The following RPS6KA5 variants were observed in gnomAD, a reference collection of about 807,000 sequenced individuals.
The protein encoded by RPS6KA5 is ribosomal protein S6 kinase A5.
A neutral mutation model predicts 85.5 loss-of-function variants in RPS6KA5; 27 were observed. That is an observed-to-expected ratio of 0.32 (90% CI 0.23 to 0.44). RPS6KA5 has a LOEUF of 0.44. RPS6KA5 is among the 20% of genes least tolerant of loss of function. The pLI, the probability that RPS6KA5 is intolerant of heterozygous loss-of-function variation, is 1.00. For synonymous variants in RPS6KA5, 334 were observed against 348.2 expected (o/e 0.96, Z 0.46); for missense variants, 811 against 980.9 (o/e 0.83, Z 2.31).
chr14:91,026,430 A>G lies in RPS6KA5; in HGVS notation c.104-25271T>C, dbSNP rs117649135. Among the ~76,000 whole-genome samples, 9 of 152,246 alleles carry G rather than the reference A, an allele frequency of 5.9e-5. No homozygotes were observed. The East Asian group carries it at 1.7e-3, about 29-fold the overall frequency. ...TTTCCCAGTAGAGACGAGGTCTCAC[A>G]ACATTGCTTAGGCTAGAATCCAACT... On this transcript the variant is annotated intron_variant, in intron 1 of 16. Coordinates refer to ENST00000614987, the MANE Select transcript of RPS6KA5 (RefSeq NM_004755.4).
intron 1 of RPS6KA5, 148 bp downstream of exon 1, chr14:91,060,184 C>T: frequency 3.1e-6 from 3 of 967,808 alleles, no homozygotes; most frequent in Non-Finnish European, 3.7e-6. Context: ...ACCCCCGGGG[C>T]ACGCGCCCCG....
intron 12 of RPS6KA5, among the ~76,000 whole-genome samples, chr14:90,895,225 G>A (rs1391367466): frequency 1.3e-5 from 2 of 151,962 alleles, no homozygotes; most frequent in Admixed American, 1.3e-4. Context: ...AGGGTAATGA[G>A]GCTGGGCTCA....
chr14:90,906,945 G>A (rs1023916554), intron 7 of RPS6KA5, among the ~76,000 whole-genome samples: 2 of 152,130 alleles, frequency 1.3e-5, no homozygotes, highest in Non-Finnish European at 2.9e-5. Flanking sequence ...CTATGAGGCA[G>A]GTAGAGCTCA....
chr14:90,988,684 G>A (rs2040171229), intron 2 of RPS6KA5, among the ~76,000 whole-genome samples: 1 of 152,118 alleles, frequency 6.6e-6, no homozygotes, highest in Non-Finnish European at 1.5e-5. Context: ...ATGGTGGCGG[G>A]CGTCTGTAAT....
intron 1 of RPS6KA5, among the ~76,000 whole-genome samples, chr14:91,005,968 A>C (rs1236523108): frequency 6.6e-6 from 1 of 152,162 alleles, no homozygotes; most frequent in Non-Finnish European, 1.5e-5. Flanking sequence ...ACTGTGCCAG[A>C]AACAGACCTG....
intron 14 of RPS6KA5, among the ~76,000 whole-genome samples, chr14:90,882,814 A>ATT (rs139239110): frequency 1.4e-4 from 20 of 146,960 alleles, no homozygotes; most frequent in Middle Eastern, 3.5e-3. Context: ...TCAAGATTCT[A>ATT]TTTTTTTTTT....
intron 13 of RPS6KA5, among the ~76,000 whole-genome samples, chr14:90,892,549 G>T (rs1289029450): frequency 1.3e-5 from 2 of 152,066 alleles, no homozygotes; most frequent in Non-Finnish European, 2.9e-5. Flanking sequence ...GAAACAAATT[G>T]GATGTATGCA....
chr14:91,004,420 G>T (rs1473042869), intron 1 of RPS6KA5, among the ~76,000 whole-genome samples: 1 of 152,086 alleles, frequency 6.6e-6, no homozygotes, highest in African/African-American at 2.4e-5. Flanking sequence ...GATAGGGTAG[G>T]ATACAGAAAT....
intron 3 of RPS6KA5, among the ~76,000 whole-genome samples, chr14:90,971,728 G>A (rs771154086): frequency 1.3e-5 from 2 of 152,182 alleles, no homozygotes; most frequent in Admixed American, 1.3e-4. Flanking sequence ...AATACTAGTA[G>A]GCACATGATG....
chr14:90,896,842 T>C (rs1382700976), intron 12 of RPS6KA5, among the ~76,000 whole-genome samples: 1 of 152,062 alleles, frequency 6.6e-6, no homozygotes, highest in Admixed American at 6.5e-5. Context: ...CACCTCAGCC[T>C]CCAGAGTAGC....
Position 90,863,803 on chromosome 14 carries a change from A to G in RPS6KA5, c.*8271T>C, listed in dbSNP as rs1028064081. The G allele has an allele frequency of 6.6e-6, 1 of 152,196 alleles. No individual in the cohort carries two copies. Among genetic ancestry groups the G allele is most frequent in the Non-Finnish European group, 1.5e-5 (1 of 68,030 alleles). The allele number at this position is 152,196 out of a possible 1,614,324, so 9.4% of individuals were successfully genotyped here. A position where few individuals can be genotyped will look rare whatever the true frequency, so the allele number is the denominator to read the frequency against. The stretch of plus-strand genomic sequence containing the variant: ...GGAAAACTCAAAATTGGTAAGATAT[A>G]ATTTCTCCTGAAATTGATTTATACA... On this transcript the variant is annotated 3_prime_UTR_variant, in exon 17 of 17. Coordinates refer to ENST00000614987, the MANE Select transcript of RPS6KA5 (RefSeq NM_004755.4).
At chr14:90,994,374 C>T (rs1196734764) in intron 2 of RPS6KA5, among the ~76,000 whole-genome samples, 5 of 151,734 alleles carry the variant, frequency 3.3e-5, no homozygotes, top group East Asian at 1.9e-4. Context: ...GGTTCTTTCT[C>T]CAATCTGTCT....
rs370974013 is a variant in RPS6KA5, at chr14:90,853,669, C to CAAAAAAAAAAAAAAAAAAAAA, written c.*18404_*18405insTTTTTTTTTTTTTTTTTTTTT. ...TGAAACCCCATCTCTACTAAAAATA[C>CAAAAAAAAAAAAAAAAAAAAA]AAAAAAAAAAAAAAAAACCCTAAAA... On this transcript the variant is annotated 3_prime_UTR_variant, in exon 17 of 17. Transcript: ENST00000614987. 7.8e-6 allele frequency: 1 copy of CAAAAAAAAAAAAAAAAAAAAA among 128,392 alleles called. No homozygotes were observed. The highest frequency in any genetic ancestry group is 1.6e-5 in the Non-Finnish European group (1 of 61,666). 8.0% of individuals were successfully genotyped at this position (128,392 alleles called of 1,614,324 possible). A position where few individuals can be genotyped will look rare whatever the true frequency, so the allele number is the denominator to read the frequency against.
intron 1 of RPS6KA5, among the ~76,000 whole-genome samples, chr14:91,008,529 T>A (rs932139395): frequency 2.6e-5 from 4 of 152,188 alleles, no homozygotes; most frequent in South Asian, 4.1e-4. Flanking sequence ...CTGGGCTACG[T>A]GTTAGGTCTT....
chr14:91,053,500 C>A (rs899106938), intron 1 of RPS6KA5, among the ~76,000 whole-genome samples: 4 of 152,124 alleles, frequency 2.6e-5, no homozygotes, highest in African/African-American at 9.7e-5. Context: ...AACTAGTTCA[C>A]CAAGGTTGCA....
intron 1 of RPS6KA5, among the ~76,000 whole-genome samples, chr14:91,036,196 C>T (rs2042404320): frequency 6.6e-6 from 1 of 152,136 alleles, no homozygotes; most frequent in African/African-American, 2.4e-5. Flanking sequence ...TACTGGTGAA[C>T]TATAACCAAC....
At chr14:90,888,504 T>C (rs1256603474) in intron 14 of RPS6KA5, among the ~76,000 whole-genome samples, 2 of 152,194 alleles carry the variant, frequency 1.3e-5, no homozygotes, top group Non-Finnish European at 2.9e-5. Context: ...TATTCACAAA[T>C]ATGTAAGTTT....
chr14:91,059,147 G>A (rs1048374283), intron 1 of RPS6KA5, among the ~76,000 whole-genome samples: 1 of 151,588 alleles, frequency 6.6e-6, no homozygotes, highest in African/African-American at 2.4e-5. Flanking sequence ...GACCAACGTG[G>A]AGAGGACCGC....
chr14:90,969,824 C>T (rs543454342), intron 3 of RPS6KA5, among the ~76,000 whole-genome samples: 3 of 152,150 alleles, frequency 2.0e-5, no homozygotes, highest in South Asian at 4.1e-4. Context: ...TTAATTCCCA[C>T]ATGCCCCCTA....
Sources: allele counts gnomAD v4.1 joint callset (sites outside exome capture counted in the v4.1 genomes callset), GRCh38; gene constraint gnomAD v4.1.1; transcripts MANE v1.5; gene names NCBI Gene and HGNC (gene_info 2026-07-23, HGNC 2026-07-21).